The following PLEKHM3 variants were observed in gnomAD, a reference collection of about 807,000 sequenced individuals.
PLEKHM3 encodes pleckstrin homology domain containing M3.
PLEKHM3 carries 45 observed loss-of-function variants against 81.8 expected under a neutral mutation model. The ratio of observed to expected loss-of-function variants is 0.55; its 90% CI spans 0.43 to 0.71. The LOEUF (loss-of-function observed/expected upper bound fraction) is 0.71, where lower values mean the gene tolerates loss of function less well. Ranked by LOEUF, PLEKHM3 falls within the 30% of genes least tolerant of loss-of-function variation. PLEKHM3 has a pLI of 0.00. For synonymous variants in PLEKHM3, 352 were observed against 356.4 expected, an observed-to-expected ratio of 0.99 and a Z score of 0.14; for missense variants, 788 against 924.3, an observed-to-expected ratio of 0.85 and a Z score of 1.91.
At chr2:207,952,881 A>G (rs1690373168) in intron 3 of PLEKHM3, among the ~76,000 whole-genome samples, 1 of 152,248 alleles carries the variant, frequency 6.6e-6, no homozygotes. Flanking sequence ...ACTGAGAAAC[A>G]TCTACTCAAA....
At chr2:207,996,990 A>T (rs1692141371) in intron 2 of PLEKHM3, among the ~76,000 whole-genome samples, 1 of 144,698 alleles carries the variant, frequency 6.9e-6, no homozygotes, top group Non-Finnish European at 1.5e-5. Flanking sequence ...TACTACCATT[A>T]CCTCATACTT....
At chr2:207,835,066 A>G (rs1320368513) in intron 7 of PLEKHM3, among the ~76,000 whole-genome samples, 1 of 151,584 alleles carries the variant, frequency 6.6e-6, no homozygotes, top group African/African-American at 2.4e-5. Flanking sequence ...TCAGCCTCCG[A>G]AGTAGCTGGG....
chr2:207,930,165 G>A (rs911517146), intron 5 of PLEKHM3, among the ~76,000 whole-genome samples: 4 of 152,168 alleles, frequency 2.6e-5, no homozygotes, highest in Admixed American at 6.5e-5. Flanking sequence ...AGCTAACTAA[G>A]TTACGGGAAA....
At chr2:207,897,099 G>T (rs1005258963) in intron 6 of PLEKHM3, among the ~76,000 whole-genome samples, 1 of 152,172 alleles carries the variant, frequency 6.6e-6, no homozygotes, top group Non-Finnish European at 1.5e-5. Context: ...TGGAGCCACT[G>T]GGGAGGTCTG....
intron 2 of PLEKHM3, among the ~76,000 whole-genome samples, chr2:207,981,937 G>A (rs1691539153): frequency 6.6e-6 from 1 of 152,092 alleles, no homozygotes. Context: ...GAAAAGCATG[G>A]GTTTGAACAG....
chr2:207,959,184 C>G (rs1266162681), intron 3 of PLEKHM3, among the ~76,000 whole-genome samples: 5 of 152,198 alleles, frequency 3.3e-5, no homozygotes, highest in Non-Finnish European at 5.9e-5. Flanking sequence ...ACATGCCTCT[C>G]TCACCTTACC....
At chr2:207,964,493 G>GT (rs1349791542) in intron 3 of PLEKHM3, among the ~76,000 whole-genome samples, 1 of 152,180 alleles carries the variant, frequency 6.6e-6, no homozygotes, top group Non-Finnish European at 1.5e-5. Context: ...TTCCATGAGA[G>GT]TGGAGGGAGG....
In PLEKHM3 at chr2:208,018,371, CAA is replaced by C. The variant is rs56987058; in HGVS notation, c.-319+7016_-319+7017del. Among the ~76,000 whole-genome samples, 57 of 111,858 alleles carry C rather than the reference CAA, an allele frequency of 5.1e-4. 1 individual carries two copies. The highest frequency in any genetic ancestry group is 6.1e-4 in the South Asian group (2 of 3,270). 73.4% of individuals were successfully genotyped at this position (111,858 alleles called of 152,430 possible). A position where few individuals can be genotyped will look rare whatever the true frequency, so the allele number is the denominator to read the frequency against. On this transcript the variant is annotated intron_variant, in intron 1 of 7. Coordinates refer to ENST00000427836, the MANE Select transcript of PLEKHM3 (RefSeq NM_001080475.3). ...CTGGCAACAGAGCAAGACTCTGTCT[CAA>C]AAAAAAAAAAAGAAAAGAAAAGAAA...
intron 7 of PLEKHM3, among the ~76,000 whole-genome samples, chr2:207,841,221 C>G (rs2092349543): frequency 6.6e-6 from 1 of 150,846 alleles, no homozygotes; most frequent in Non-Finnish European, 1.5e-5. Flanking sequence ...AATCCCAGCC[C>G]TTTGGGAGGC....
At chr2:207,938,238 G>A (rs1054999051) in intron 4 of PLEKHM3, among the ~76,000 whole-genome samples, 2 of 152,198 alleles carry the variant, frequency 1.3e-5, no homozygotes, top group Admixed American at 1.3e-4. Context: ...TCTTCAAAGA[G>A]ATTTTATTAG....
At chr2:207,927,184 C>T (rs1164985638) in intron 5 of PLEKHM3, among the ~76,000 whole-genome samples, 1 of 152,176 alleles carries the variant, frequency 6.6e-6, no homozygotes, top group Non-Finnish European at 1.5e-5. Flanking sequence ...AGCAAGTTCA[C>T]CTCACTGTTT....
chr2:207,830,299 A>G (rs6733718), intron 7 of PLEKHM3, among the ~76,000 whole-genome samples: 150,426 of 152,218 alleles, frequency 0.99, 74,357 homozygotes, highest in Middle Eastern at 1. Flanking sequence ...TGGAGATACC[A>G]TGCTTAGGAG....
chr2:207,939,640 T>A (rs1466988645), intron 4 of PLEKHM3, among the ~76,000 whole-genome samples: 1 of 152,360 alleles, frequency 6.6e-6, no homozygotes, highest in Admixed American at 6.5e-5. Context: ...AGCAACCTTA[T>A]GAACTGGGTT....
chr2:207,846,246 A>G (rs1193763154), intron 7 of PLEKHM3, among the ~76,000 whole-genome samples: 1 of 152,006 alleles, frequency 6.6e-6, no homozygotes, highest in East Asian at 1.9e-4. Flanking sequence ...GGGTTTAAGC[A>G]GTTCTCTGCC....
At chr2:208,009,233 A>T (rs946595182) in intron 1 of PLEKHM3, among the ~76,000 whole-genome samples, 1 of 152,094 alleles carries the variant, frequency 6.6e-6, no homozygotes, top group Non-Finnish European at 1.5e-5. Flanking sequence ...ACTGAATGCT[A>T]TTGCTTTTCC....
intron 7 of PLEKHM3, among the ~76,000 whole-genome samples, chr2:207,833,518 C>A (rs2092300413): frequency 6.6e-6 from 1 of 151,854 alleles, no homozygotes; most frequent in Non-Finnish European, 1.5e-5. Context: ...TGAAAACATT[C>A]ATTGCTTCAT....
intron 7 of PLEKHM3, chr2:207,851,740 C>CAAAAAAAAAAAA (rs10605219): frequency 1.6e-5 from 1 of 64,310 alleles, no homozygotes; most frequent in African/African-American, 6.2e-5. Context: ...AACTCCATCT[C>CAAAAAAAAAAAA]AAAAAAAAAA....
chr2:207,909,545 G>A, intron 5 of PLEKHM3, among the ~76,000 whole-genome samples: 1 of 152,216 alleles, frequency 6.6e-6, no homozygotes, highest in East Asian at 1.9e-4. Flanking sequence ...ATAAAGTCAA[G>A]TGAGGGAAAG....
At chr2:207,869,903 T>C (rs2092523590) in intron 6 of PLEKHM3, 1 of 152,244 alleles carries the variant, frequency 6.6e-6, no homozygotes, top group Non-Finnish European at 1.5e-5. Flanking sequence ...CTGGTCAAGA[T>C]GGTCAGCATT....
Sources: allele counts gnomAD v4.1 joint callset (sites outside exome capture counted in the v4.1 genomes callset), GRCh38; gene constraint gnomAD v4.1.1; transcripts MANE v1.5; gene names NCBI Gene and HGNC (gene_info 2026-07-23, HGNC 2026-07-21).